Variants in HECW2 observed in about 807,000 individuals in gnomAD.
The protein encoded by HECW2 is HECT, C2 and WW domain containing E3 ubiquitin protein ligase 2, also known as E3 ubiquitin-protein ligase HECW2.
HECW2 carries 61 observed loss-of-function variants against 175.2 expected under a neutral mutation model. That is an observed-to-expected ratio of 0.35 (90% CI 0.28 to 0.43). HECW2 has a LOEUF of 0.43. Among genes scored for constraint, HECW2 ranks in the 20% least tolerant of loss-of-function variants. HECW2 has a pLI of 1.00. For synonymous variants in HECW2, 671 were observed against 731.0 expected (o/e 0.92, Z 1.32); for missense variants, 1,524 against 2,000.5 (o/e 0.76, Z 4.54).
At chr2:196,229,939 T>C (rs1687989980) in intron 21 of HECW2, among the ~76,000 whole-genome samples, 1 of 152,182 alleles carries the variant, frequency 6.6e-6, no homozygotes, top group South Asian at 2.1e-4. Context: ...AATAAAAAAG[T>C]CAGTCTTTGT....
chr2:196,279,633 T>C (rs1414334768), intron 14 of HECW2, among the ~76,000 whole-genome samples: 2 of 152,220 alleles, frequency 1.3e-5, no homozygotes, highest in Admixed American at 6.5e-5. Flanking sequence ...CTCATGGCTA[T>C]CCATTGTCCA....
intron 13 of HECW2, among the ~76,000 whole-genome samples, chr2:196,305,075 T>C (rs1399678771): frequency 2.0e-5 from 3 of 152,226 alleles, no homozygotes; most frequent in Non-Finnish European, 2.9e-5. Flanking sequence ...GAGTTAATCG[T>C]CCACTCCAGC....
At chr2:196,300,588 T>C (rs932776958) in intron 13 of HECW2, among the ~76,000 whole-genome samples, 1 of 152,210 alleles carries the variant, frequency 6.6e-6, no homozygotes, top group Non-Finnish European at 1.5e-5. Context: ...CCACTGTAGG[T>C]AGCAAAAATC....
At chr2:196,403,761 T>C (rs1559090678) in intron 2 of HECW2, among the ~76,000 whole-genome samples, 1 of 152,206 alleles carries the variant, frequency 6.6e-6, no homozygotes. Flanking sequence ...GGAAGAAGAA[T>C]GACCTCATGT....
At chr2:196,329,737 A>G in intron 4 of HECW2, 87 bp from the exon 5 acceptor site, 1 of 1,074,966 alleles carries the variant, frequency 9.3e-7, no homozygotes, top group Non-Finnish European at 1.4e-6. Context: ...TCCTAAATGC[A>G]ATGATTTTTG....
At chr2:196,344,062 T>C (rs1692861000) in intron 2 of HECW2, among the ~76,000 whole-genome samples, 2 of 152,186 alleles carry the variant, frequency 1.3e-5, no homozygotes, top group South Asian at 2.1e-4. Context: ...ACTTTAGCTA[T>C]GAGCTGATTT....
In HECW2 at chr2:196,283,815, C is replaced by T. The variant is rs540713812; in HGVS notation, c.3001-5153G>A. On this transcript the variant is annotated intron_variant, in intron 14 of 28. Transcript: ENST00000644978. ...TCTCTAAAAGTAAAATCAGAAACCA[C>T]CATTATATGTAGGGATTTTCCCTAT... is the stretch of plus-strand genomic sequence containing the variant. 2.0e-5 allele frequency among the ~76,000 whole-genome samples: 3 copies of T among 152,268 alleles called. No individual in the cohort carries two copies. In the East Asian group the frequency reaches 5.8e-4, roughly 29 times the overall value.
At chr2:196,581,028 G>C (rs573982620) in intron 1 of HECW2, among the ~76,000 whole-genome samples, 17 of 152,292 alleles carry the variant, frequency 1.1e-4, no homozygotes, top group Admixed American at 9.8e-4. Flanking sequence ...TATGCTAAGT[G>C]AAAGATGCAG....
chr2:196,434,862 T>C (rs1005792443), intron 1 of HECW2, among the ~76,000 whole-genome samples: 1 of 152,214 alleles, frequency 6.6e-6, no homozygotes, highest in African/African-American at 2.4e-5. Context: ...TGAGTTTTCA[T>C]TTAAAAAACA....
chr2:196,254,644 A>G (rs1299399891), intron 18 of HECW2, among the ~76,000 whole-genome samples: 1 of 152,216 alleles, frequency 6.6e-6, no homozygotes, highest in Non-Finnish European at 1.5e-5. Flanking sequence ...CCTAAAAGAG[A>G]GTAACCAGAG....
At chr2:196,406,887 C>T (rs906008400) in intron 2 of HECW2, among the ~76,000 whole-genome samples, 3 of 152,202 alleles carry the variant, frequency 2.0e-5, no homozygotes, top group African/African-American at 7.2e-5. Context: ...CCAATCATTC[C>T]TGTTGCATTA....
At chr2:196,257,676 C>T in intron 18 of HECW2, 147 bp downstream of exon 18, 1 of 610,102 alleles carries the variant, frequency 1.6e-6, no homozygotes, top group East Asian at 2.8e-5. Flanking sequence ...ACTCAATCAG[C>T]ACCCTAAATC....
At chr2:196,257,731 G>T in intron 18 of HECW2, 92 bp downstream of exon 18, 1 of 884,130 alleles carries the variant, frequency 1.1e-6, no homozygotes, top group Non-Finnish European at 1.8e-6. Flanking sequence ...CAATTTTTAG[G>T]CTATGAATAT....
At chr2:196,248,532 A>G (rs1016426546) in intron 19 of HECW2, among the ~76,000 whole-genome samples, 1 of 151,302 alleles carries the variant, frequency 6.6e-6, no homozygotes, top group Non-Finnish European at 1.5e-5. Context: ...CTCTAAAGCT[A>G]CTTCAGGGAC....
chr2:196,552,655 C>T (rs898932628), intron 1 of HECW2, among the ~76,000 whole-genome samples: 1 of 152,152 alleles, frequency 6.6e-6, no homozygotes, highest in African/African-American at 2.4e-5. Context: ...TCCTCTCTCC[C>T]GCTCCCTATG....
chr2:196,220,014 T>C, intron 26 of HECW2, 25 bp downstream of exon 26: 1 of 1,405,374 alleles, frequency 7.1e-7, no homozygotes, highest in Non-Finnish European at 1.0e-6. Flanking sequence ...ATTTAAAATC[T>C]AGCCATCTAT....
At chr2:196,586,334 A>G (rs763684405) in intron 1 of HECW2, among the ~76,000 whole-genome samples, 6 of 152,222 alleles carry the variant, frequency 3.9e-5, no homozygotes, top group African/African-American at 1.4e-4. Context: ...ACCACTTGAT[A>G]TAACACAAAT....
chr2:196,557,812 G>A (rs1689859455), intron 1 of HECW2, among the ~76,000 whole-genome samples: 1 of 152,090 alleles, frequency 6.6e-6, no homozygotes, highest in South Asian at 2.1e-4. Context: ...CTGGGAAGAT[G>A]TACTAAAATG....
At chr2:196,420,480 A>G (rs1695378482) in intron 2 of HECW2, among the ~76,000 whole-genome samples, 1 of 152,252 alleles carries the variant, frequency 6.6e-6, no homozygotes, top group South Asian at 2.1e-4. Context: ...TAGAGAACAC[A>G]TGAGAGCCTG....
Sources: gnomAD v4.1 joint callset for allele counts (sites outside exome capture counted in the v4.1 genomes callset) on GRCh38, gnomAD v4.1.1 for gene constraint, MANE v1.5 for transcripts, NCBI Gene and HGNC (gene_info 2026-07-23, HGNC 2026-07-21) for gene names.